Variants in RAI1 observed in about 807,000 individuals in gnomAD.
RAI1 encodes the protein retinoic acid induced 1.
RAI1 carries 9 observed loss-of-function variants against 123.8 expected under a neutral mutation model. The observed-to-expected ratio is 0.07, with a 90% CI of 0.04 to 0.13. RAI1 has a LOEUF of 0.13. Among genes scored for constraint, RAI1 ranks in the 10% least tolerant of loss-of-function variants. The pLI, the probability that RAI1 is intolerant of heterozygous loss-of-function variation, is 1.00. For missense variants in RAI1, 2,256 were observed against 2,545.8 expected, an observed-to-expected ratio of 0.89 and a Z score of 2.45; for synonymous variants, 1,231 against 1,127.3, an observed-to-expected ratio of 1.09 and a Z score of -1.84.
intron 2 of RAI1, among the ~76,000 whole-genome samples, chr17:17,780,747 C>T (rs1289604840): frequency 2.0e-5 from 3 of 152,226 alleles, no homozygotes; most frequent in South Asian, 2.1e-4. Flanking sequence ...CAGTCTGAGC[C>T]TTATCAAGAC....
intron 3 of RAI1, chr17:17,802,316 G>A: frequency 2.6e-6 from 1 of 388,232 alleles, no homozygotes; most frequent in Non-Finnish European, 5.2e-6. Flanking sequence ...CCTGGAGGGT[G>A]CAGGTCTCAT....
In RAI1 at chr17:17,796,839, C is replaced by A. The variant is rs1403492343; in HGVS notation, c.3891C>A (p.Thr1297=). ...EPATKLPPPE[T]PDACLKLASR... ...CCACAAAGCTCCCACCCCCGGAGACCCCCGATGCCTGCCTCAAGCTCGCCT... is the reference window on the plus strand; with the variant it reads ...CCACAAAGCTCCCACCCCCGGAGACACCCGATGCCTGCCTCAAGCTCGCCT... Residue 1297 remains threonine (T), a synonymous_variant, in exon 3 of 6, where the codon ACC becomes ACA. Transcript: ENST00000353383. The surrounding 1 kb of genome is among the most constrained non-coding windows in gnomAD (Gnocchi z 5.8). The A allele has an allele frequency of 6.2e-7, 1 of 1,611,990 alleles. No homozygotes were observed. The highest frequency in any genetic ancestry group is 1.3e-5 in the African/African-American group (1 of 74,904).
Position 17,794,730 on chromosome 17 carries a change from T to C in RAI1, c.1782T>C (p.Cys594=). Residue 594 remains cysteine (C), a synonymous_variant, in exon 3 of 6, where the codon TGT becomes TGC. Coordinates refer to ENST00000353383, the MANE Select transcript of RAI1 (RefSeq NM_030665.4). ...FSKFVAGERD[C]PRLLLSALAQ... is the part of the protein sequence containing the mutation. Reference sequence around the variant, plus strand: ...AGTTCGTGGCGGGTGAGCGGGACTGTCCGCGGCTGCTGCTCAGCGCCCTGG... The same window carrying C: ...AGTTCGTGGCGGGTGAGCGGGACTGCCCGCGGCTGCTGCTCAGCGCCCTGG... 1.2e-6 allele frequency: 2 copies of C among 1,611,590 alleles called. No individual in the cohort carries two copies. Among genetic ancestry groups the C allele is most frequent in the Non-Finnish European group, 1.7e-6 (2 of 1,180,018 alleles).
At position 17,809,586 on chromosome 17, in the gene RAI1, C is replaced by A; in HGVS notation, c.5709+147C>A. Reference sequence around the variant, plus strand: ...GGGGAGGGAGCTCTCCCCGCCCACCCCCAGGAGCCCCCGCCGCCGTCCAGC... The same window carrying A: ...GGGGAGGGAGCTCTCCCCGCCCACCACCAGGAGCCCCCGCCGCCGTCCAGC... On this transcript the variant is annotated intron_variant, in intron 5 of 5. Transcript: ENST00000353383. This position sits in a 1 kb window ranked among gnomAD's most constrained non-coding sequence, Gnocchi z 4.9. The A allele has an allele frequency of 1.2e-6, 1 of 851,672 alleles. No homozygotes were observed. Among genetic ancestry groups the A allele is most frequent in the East Asian group, 2.7e-5 (1 of 37,570 alleles). 52.8% of individuals were successfully genotyped at this position (851,672 alleles called of 1,614,324 possible).
rs564804274 is a variant in RAI1 at position 17,781,948 on chromosome 17, C to T, written c.-16-10985C>T. 5.9e-5 allele frequency among the ~76,000 whole-genome samples: 9 copies of T among 152,278 alleles called. No individual in the cohort carries two copies. In the South Asian group the frequency reaches 1.4e-3, roughly 25 times the overall value. On this transcript the variant is annotated intron_variant, in intron 2 of 5. Transcript: ENST00000353383. ...CGAAAACCAACGGAGGGCTCGGGGC[C>T]CCGGGCCGGCCGCCCCCTTTTTGCG...
chr17:17,761,324 C>T (rs1372533873), intron 2 of RAI1, among the ~76,000 whole-genome samples: 3 of 151,760 alleles, frequency 2.0e-5, no homozygotes, highest in African/African-American at 7.3e-5. Flanking sequence ...AGGTTCCTGG[C>T]ACACATGCAG....
At chr17:17,784,686 T>C (rs2031761693) in intron 2 of RAI1, among the ~76,000 whole-genome samples, 1 of 152,070 alleles carries the variant, frequency 6.6e-6, no homozygotes, top group Non-Finnish European at 1.5e-5. Context: ...GGCAGACCCA[T>C]GGGCCTCAAG....
At position 17,800,180 on chromosome 17, in the gene RAI1, G is replaced by GTGTCTCTCTCTC. The variant is rs1407505001; in HGVS notation, c.5565+1668_5565+1669insGTCTCTCTCTCT. Among the ~76,000 whole-genome samples, 100 of 116,392 alleles carry GTGTCTCTCTCTC rather than the reference G, an allele frequency of 8.6e-4. 1 individual carries two copies. Among genetic ancestry groups the GTGTCTCTCTCTC allele is most frequent in the African/African-American group, 2.8e-3 (95 of 33,442 alleles). 76.4% of individuals were successfully genotyped at this position (116,392 alleles called of 152,430 possible). A position where few individuals can be genotyped will look rare whatever the true frequency, so the allele number is the denominator to read the frequency against. On this transcript the variant is annotated intron_variant, in intron 3 of 5. Coordinates refer to ENST00000353383, the MANE Select transcript of RAI1 (RefSeq NM_030665.4). The surrounding 1 kb of genome is among the most constrained non-coding windows in gnomAD (Gnocchi z 4.7). ...TCTCTCCTGCTTTCTGTCTCTCTCT[G>GTGTCTCTCTCTC]TCTCTCTCTCTCTCTCTCTCTCTCT...
At chr17:17,791,182 C>G (rs2032000720) in intron 2 of RAI1, among the ~76,000 whole-genome samples, 1 of 152,216 alleles carries the variant, frequency 6.6e-6, no homozygotes, top group Admixed American at 6.5e-5. Flanking sequence ...TGGGCCAGGG[C>G]AAGCTGACTC....
At chr17:17,699,893 C>T (rs1435384067) in intron 1 of RAI1, among the ~76,000 whole-genome samples, 1 of 152,168 alleles carries the variant, frequency 6.6e-6, no homozygotes, top group Non-Finnish European at 1.5e-5. Flanking sequence ...AGCCCAGCCT[C>T]AGGAGCCAGA....
intron 1 of RAI1, among the ~76,000 whole-genome samples, chr17:17,682,304 T>G (rs1257091293): frequency 6.6e-6 from 1 of 151,102 alleles, no homozygotes. Context: ...AGGCCGTGCG[T>G]GGCGAGATGG....
intron 1 of RAI1, among the ~76,000 whole-genome samples, chr17:17,687,023 G>A (rs929444101): frequency 3.3e-5 from 5 of 151,958 alleles, no homozygotes; most frequent in Admixed American, 2.0e-4. Flanking sequence ...TTGCTCTGTC[G>A]CCCAGGCTGG....
rs1420588249 is a variant in RAI1, at chr17:17,685,288, C to T, written c.-149+3495C>T. On this transcript the variant is annotated intron_variant, in intron 1 of 5. Coordinates refer to ENST00000353383, the MANE Select transcript of RAI1 (RefSeq NM_030665.4). This position sits in a 1 kb window ranked among gnomAD's most constrained non-coding sequence, Gnocchi z 4.0. ...GGATTTTCCAAGGACCCACTGTTTCCAAAGTTCTGTGCTTAATGTCGGGGT... is the reference window on the plus strand; with the variant it reads ...GGATTTTCCAAGGACCCACTGTTTCTAAAGTTCTGTGCTTAATGTCGGGGT... Among the ~76,000 whole-genome samples the T allele has an allele frequency of 6.6e-6, 1 of 152,220 alleles. No individual in the cohort carries two copies. The highest frequency in any genetic ancestry group is 2.4e-5 in the African/African-American group (1 of 41,448).
intron 2 of RAI1, among the ~76,000 whole-genome samples, chr17:17,757,304 C>T (rs1219702511): frequency 1.3e-5 from 2 of 152,154 alleles, no homozygotes. Flanking sequence ...ACTGAGAGGC[C>T]AAGGTGGGTT....
intron 1 of RAI1, among the ~76,000 whole-genome samples, chr17:17,689,277 C>T (rs984179409): frequency 1.3e-5 from 2 of 152,158 alleles, no homozygotes; most frequent in African/African-American, 2.4e-5. Flanking sequence ...ATTCTTCTTC[C>T]ATTCATGCCA....
At chr17:17,727,194 A>G (rs1249799948) in intron 2 of RAI1, among the ~76,000 whole-genome samples, 2 of 152,104 alleles carry the variant, frequency 1.3e-5, no homozygotes, top group East Asian at 1.9e-4. Flanking sequence ...TTCCTTCCCC[A>G]CAATCTAGAA....
intron 1 of RAI1, among the ~76,000 whole-genome samples, chr17:17,711,925 G>T (rs1915578304): frequency 6.6e-6 from 1 of 152,248 alleles, no homozygotes; most frequent in African/African-American, 2.4e-5. Flanking sequence ...AGTGCCTGCT[G>T]ATGGCTGTCA....
chr17:17,745,139 G>A (rs1916782846), intron 2 of RAI1, among the ~76,000 whole-genome samples: 1 of 152,186 alleles, frequency 6.6e-6, no homozygotes, highest in South Asian at 2.1e-4. Context: ...GACAGGGAAT[G>A]GGGATCGGGG....
chr17:17,778,872 G>T (rs776754368), intron 2 of RAI1: 11 of 456,830 alleles, frequency 2.4e-5, no homozygotes, highest in South Asian at 1.5e-4. Context: ...CAAGAGGGAG[G>T]GAGTTCTGGA....
Sources: allele counts gnomAD v4.1 joint callset (sites outside exome capture counted in the v4.1 genomes callset), GRCh38; gene constraint gnomAD v4.1.1; non-coding constraint Gnocchi (gnomAD v3.1); transcripts MANE v1.5; gene names NCBI Gene and HGNC (gene_info 2026-07-23, HGNC 2026-07-21).